USP46: variants seen among roughly 807,000 people sequenced by gnomAD.
The protein encoded by USP46 is ubiquitin specific peptidase 46.
USP46 carries 12 observed loss-of-function variants against 44.4 expected under a neutral mutation model. The ratio of observed to expected loss-of-function variants is 0.27; its 90% CI spans 0.17 to 0.44. The LOEUF (loss-of-function observed/expected upper bound fraction) is 0.44. Ranked by LOEUF, USP46 falls within the 20% of genes least tolerant of loss-of-function variation. The probability of loss-of-function intolerance (pLI) is 1.00; values close to 1 mark genes in which losing one functional copy is unlikely to be tolerated. For missense variants in USP46, 248 were observed against 444.8 expected, an observed-to-expected ratio of 0.56 and a Z score of 3.98; for synonymous variants, 155 against 161.5, an observed-to-expected ratio of 0.96 and a Z score of 0.31.
At chr4:52,648,803 C>T (rs1718647104) in intron 1 of USP46, among the ~76,000 whole-genome samples, 1 of 152,188 alleles carries the variant, frequency 6.6e-6, no homozygotes, top group South Asian at 2.1e-4. Context: ...ATAGGAGTGT[C>T]CTATGGTAGC....
At chr4:52,646,112 T>C (rs1268733273) in intron 1 of USP46, among the ~76,000 whole-genome samples, 1 of 152,190 alleles carries the variant, frequency 6.6e-6, no homozygotes, top group East Asian at 1.9e-4. Flanking sequence ...TGGACTAATA[T>C]AGGCCTGCTC....
intron 1 of USP46, among the ~76,000 whole-genome samples, chr4:52,643,516 T>G (rs1718427624): frequency 6.6e-6 from 1 of 152,202 alleles, no homozygotes; most frequent in East Asian, 1.9e-4. Context: ...TCTAAAGCAT[T>G]TACTGTCCAG....
intron 1 of USP46, among the ~76,000 whole-genome samples, chr4:52,632,904 GAGAAAGAAAGAAAGAGAAAGAA>G (rs1717895449): frequency 1.2e-5 from 1 of 86,882 alleles, no homozygotes; most frequent in African/African-American, 4.2e-5. Context: ...GGAAGGGAAA[GAGAAAGAAAGAAAGAGAAAGAA>G]AGAAAGAAAG....
chr4:52,616,571 C>T (rs1717157645), intron 4 of USP46, among the ~76,000 whole-genome samples: 1 of 152,090 alleles, frequency 6.6e-6, no homozygotes, highest in South Asian at 2.1e-4. Context: ...CAGGGTTTCA[C>T]CATGTTGGCT....
At chr4:52,658,213 C>T in intron 1 of USP46, 1 of 455,892 alleles carries the variant, frequency 2.2e-6, no homozygotes, top group Non-Finnish European at 4.4e-6. Context: ...ATCTGAGCTC[C>T]CCAAAGGCTC....
intron 5 of USP46, among the ~76,000 whole-genome samples, chr4:52,609,926 T>C (rs1716871892): frequency 1.1e-5 from 1 of 91,334 alleles, no homozygotes; most frequent in Non-Finnish European, 2.2e-5. Flanking sequence ...TTTTTTTTTT[T>C]TTTTTTTTTT....
At chr4:52,600,910 G>C (rs1716443284) in intron 7 of USP46, among the ~76,000 whole-genome samples, 1 of 152,146 alleles carries the variant, frequency 6.6e-6, no homozygotes, top group Admixed American at 6.5e-5. Flanking sequence ...ATTTTACTGA[G>C]AATACAAGAA....
intron 4 of USP46, among the ~76,000 whole-genome samples, chr4:52,613,934 T>C (rs1247493088): frequency 6.6e-6 from 1 of 152,048 alleles, no homozygotes; most frequent in East Asian, 1.9e-4. Context: ...CCATTATAAC[T>C]ATCATCAGTA....
chr4:52,595,366 T>C lies in USP46; in HGVS notation c.*2274A>G, dbSNP rs921102589. On this transcript the variant is annotated 3_prime_UTR_variant, in exon 9 of 9. Coordinates refer to ENST00000441222, the MANE Select transcript of USP46 (RefSeq NM_022832.4). ...GAGGGAAAAAATTAGCAGATAGCTCTAAATTTTAAAAAGCTGATGGAGTGT... is the reference window on the plus strand; with the variant it reads ...GAGGGAAAAAATTAGCAGATAGCTCCAAATTTTAAAAAGCTGATGGAGTGT... 6.5e-6 allele frequency: 1 copy of C among 152,704 alleles called. No individual in the cohort carries two copies. The highest frequency in any genetic ancestry group is 1.5e-5 in the Non-Finnish European group (1 of 68,048). 9.5% of individuals were successfully genotyped at this position (152,704 alleles called of 1,614,324 possible). A position where few individuals can be genotyped will look rare whatever the true frequency, so the allele number is the denominator to read the frequency against.
chr4:52,644,934 G>GT (rs1718490306), intron 1 of USP46, among the ~76,000 whole-genome samples: 1 of 152,020 alleles, frequency 6.6e-6, no homozygotes, highest in Non-Finnish European at 1.5e-5. Flanking sequence ...GCACGCGCCT[G>GT]TAAGCCAAGC....
chr4:52,617,597 C>T (rs1012523567), intron 4 of USP46, among the ~76,000 whole-genome samples: 1 of 152,104 alleles, frequency 6.6e-6, no homozygotes, highest in Non-Finnish European at 1.5e-5. Flanking sequence ...AAAAGCTTTC[C>T]GTTTGGATTT....
intron 4 of USP46, among the ~76,000 whole-genome samples, chr4:52,612,482 T>C (rs1716972335): frequency 6.6e-6 from 1 of 152,218 alleles, no homozygotes; most frequent in Non-Finnish European, 1.5e-5. Context: ...ACCATGTGAC[T>C]TGCCTTGGCC....
chr4:52,654,200 C>T (rs1718872166), intron 1 of USP46, among the ~76,000 whole-genome samples: 1 of 152,302 alleles, frequency 6.6e-6, no homozygotes, highest in African/African-American at 2.4e-5. Context: ...CACCTCACCT[C>T]AGACTGTATT....
intron 2 of USP46, 100 bp from the exon 3 acceptor site, chr4:52,628,263 C>T (rs1392248522): frequency 7.1e-6 from 8 of 1,126,574 alleles, no homozygotes; most frequent in Non-Finnish European, 1.0e-5. Flanking sequence ...CGTGAACTGG[C>T]CTGGATGTCC....
In USP46 at chr4:52,659,004, G is replaced by T. The variant is rs79002691; in HGVS notation, c.36+111C>A. The stretch of plus-strand genomic sequence containing the variant: ...GGGGGCCGGGAACTTCTGGCGGCGC[G>T]GACCCCGCCGCCCCCGCCGCCCCAG... On this transcript the variant is annotated intron_variant, in intron 1 of 8. Transcript: ENST00000441222. The surrounding 1 kb of genome is among the most constrained non-coding windows in gnomAD (Gnocchi z 4.2). 446 of 1,345,408 alleles carry T rather than the reference G, an allele frequency of 3.3e-4. 3 individuals carry two copies. In the East Asian group the frequency reaches 0.013, roughly 40 times the overall value. The allele number at this position is 1,345,408 out of a possible 1,614,324, so 83.3% of individuals were successfully genotyped here.
intron 1 of USP46, among the ~76,000 whole-genome samples, chr4:52,639,494 T>C (rs983962368): frequency 3.3e-5 from 5 of 152,058 alleles, no homozygotes; most frequent in African/African-American, 1.2e-4. Context: ...AAATGCCTTC[T>C]GCCAGGGGGA....
intron 4 of USP46, among the ~76,000 whole-genome samples, chr4:52,617,060 G>C (rs118170361): frequency 1.3e-5 from 2 of 152,214 alleles, no homozygotes; most frequent in East Asian, 3.9e-4. Flanking sequence ...TATATCCTTA[G>C]TACCTAAAAT....
rs142124768 is a variant in USP46, at chr4:52,601,311, C to T, written c.920+546G>A. On this transcript the variant is annotated intron_variant, in intron 7 of 8. Coordinates refer to ENST00000441222, the MANE Select transcript of USP46 (RefSeq NM_022832.4). Reference sequence around the variant, plus strand: ...TGCTCAAAGGAATTTTGGCAAAATGCTTTGCCTCTCCATATCTAGAGGCCT... The same window carrying T: ...TGCTCAAAGGAATTTTGGCAAAATGTTTTGCCTCTCCATATCTAGAGGCCT... Among the ~76,000 whole-genome samples the T allele has an allele frequency of 3.9e-3, 597 of 152,248 alleles. 4 individuals are homozygous for T. Among genetic ancestry groups the T allele is most frequent in the Middle Eastern group, 0.014 (4 of 294 alleles).
At chr4:52,646,658 T>A (rs997705970) in intron 1 of USP46, among the ~76,000 whole-genome samples, 2 of 152,220 alleles carry the variant, frequency 1.3e-5, no homozygotes, top group Non-Finnish European at 2.9e-5. Context: ...TTTACAAATA[T>A]ATTGGTCTGA....
Sources: gnomAD v4.1 joint callset for allele counts (sites outside exome capture counted in the v4.1 genomes callset) on GRCh38, gnomAD v4.1.1 for gene constraint, Gnocchi (gnomAD v3.1) non-coding constraint, MANE v1.5 for transcripts, NCBI Gene and HGNC (gene_info 2026-07-23, HGNC 2026-07-21) for gene names.